FKBP9: variants seen among roughly 807,000 people sequenced by gnomAD.
FKBP9 encodes peptidyl-prolyl cis-trans isomerase FKBP9.
A neutral mutation model predicts 55.6 loss-of-function variants in FKBP9; 27 were observed. That is an observed-to-expected ratio of 0.49 (90% CI 0.36 to 0.67). The LOEUF (loss-of-function observed/expected upper bound fraction) is 0.67. Ranked by LOEUF, FKBP9 falls within the 30% of genes least tolerant of loss-of-function variation. The probability of loss-of-function intolerance (pLI) is 0.00; values close to 1 mark genes in which losing one functional copy is unlikely to be tolerated. For missense variants in FKBP9, 539 were observed against 742.8 expected (o/e 0.73, Z 3.19); for synonymous variants, 267 against 296.5 (o/e 0.90, Z 1.02).
chr7:32,976,319 G>A, intron 3 of FKBP9, 35 bp from the exon 4 acceptor site: 2 of 1,613,700 alleles, frequency 1.2e-6, no homozygotes, highest in South Asian at 1.1e-5. Flanking sequence ...TATCCTCATG[G>A]TGTGGAACTT....
chr7:32,965,661 G>A (rs1784117603), intron 1 of FKBP9, among the ~76,000 whole-genome samples: 1 of 150,164 alleles, frequency 6.7e-6, no homozygotes, highest in Admixed American at 6.7e-5. Context: ...AGCTGGGCGT[G>A]GTGGCGTGCA....
At chr7:32,978,919 T>C (rs960753482) in intron 4 of FKBP9, among the ~76,000 whole-genome samples, 1 of 152,218 alleles carries the variant, frequency 6.6e-6, no homozygotes, top group Non-Finnish European at 1.5e-5. Context: ...GAATTATATC[T>C]CTGCAAAGTT....
intron 5 of FKBP9, among the ~76,000 whole-genome samples, chr7:32,984,558 A>G (rs1451319448): frequency 6.6e-6 from 1 of 152,220 alleles, no homozygotes; most frequent in African/African-American, 2.4e-5. Context: ...GCACCAGGCC[A>G]GAGGTAATAT....
chr7:32,987,259 G>A (rs1340386535), intron 5 of FKBP9, among the ~76,000 whole-genome samples: 2 of 152,270 alleles, frequency 1.3e-5, no homozygotes, highest in East Asian at 3.9e-4. Flanking sequence ...ACTTTCGGAG[G>A]CCAGGGCAGG....
chr7:32,957,875 C>A, intron 1 of FKBP9, 81 bp downstream of exon 1: 2 of 1,044,854 alleles, frequency 1.9e-6, no homozygotes, highest in South Asian at 2.0e-5. Context: ...CCTGCCGGAC[C>A]TCCCCTAGCT....
intron 8 of FKBP9, 102 bp downstream of exon 8, chr7:33,000,362 T>A: frequency 7.0e-7 from 1 of 1,420,726 alleles, no homozygotes; most frequent in East Asian, 2.4e-5. Context: ...GCTTCTTACA[T>A]GTAATACCCA....
chr7:32,981,742 TA>T (rs1784479207), intron 5 of FKBP9, among the ~76,000 whole-genome samples: 1 of 151,878 alleles, frequency 6.6e-6, no homozygotes, highest in African/African-American at 2.4e-5. Context: ...AGATATGTTG[TA>T]AATTAGCCAG....
intron 4 of FKBP9, among the ~76,000 whole-genome samples, chr7:32,980,129 G>A (rs1177493427): frequency 6.6e-6 from 1 of 152,062 alleles, no homozygotes; most frequent in Non-Finnish European, 1.5e-5. Flanking sequence ...ATATGGTCAT[G>A]GTAGTCTCTT....
At position 32,979,150 on chromosome 7, in the gene FKBP9, T is replaced by G. The variant is rs190019246; in HGVS notation, c.704-1214T>G. Reference sequence around the variant, plus strand: ...CAGGCGTGGTGGCAGGTGCCTGTAATCCCAGCTACTCGGGAAGCTGAGGCA... The same window carrying G: ...CAGGCGTGGTGGCAGGTGCCTGTAAGCCCAGCTACTCGGGAAGCTGAGGCA... On this transcript the variant is annotated intron_variant, in intron 4 of 9. Transcript: ENST00000242209. 5.3e-3 allele frequency among the ~76,000 whole-genome samples: 809 copies of G among 152,020 alleles called. 9 individuals carry two copies. Among genetic ancestry groups the G allele is most frequent in the African/African-American group, 0.019 (769 of 41,446 alleles).
chr7:32,984,378 T>C (rs1784537114), intron 5 of FKBP9, among the ~76,000 whole-genome samples: 1 of 151,996 alleles, frequency 6.6e-6, no homozygotes, highest in Non-Finnish European at 1.5e-5. Flanking sequence ...GGACTACAGG[T>C]GTGCACCATC....
intron 3 of FKBP9, among the ~76,000 whole-genome samples, chr7:32,976,107 C>T (rs1337334659): frequency 2.0e-5 from 3 of 152,274 alleles, no homozygotes; most frequent in African/African-American, 7.2e-5. Context: ...CTCATTAGAG[C>T]GTGTTTGATT....
intron 1 of FKBP9, 119 bp downstream of exon 1, chr7:32,957,913 T>G (rs570820423): frequency 1.3e-6 from 1 of 765,578 alleles, no homozygotes; most frequent in Admixed American, 4.3e-5. Flanking sequence ...GCTCCTCCCT[T>G]CTTCCGCTGC....
At chr7:32,969,652 G>A (rs1784216189) in intron 1 of FKBP9, among the ~76,000 whole-genome samples, 1 of 152,188 alleles carries the variant, frequency 6.6e-6, no homozygotes. Flanking sequence ...ATCAGGAAGT[G>A]TGAAGCCTCC....
intron 4 of FKBP9, among the ~76,000 whole-genome samples, chr7:32,979,744 GC>G (rs1784437027): frequency 6.6e-6 from 1 of 152,228 alleles, no homozygotes; most frequent in South Asian, 2.1e-4. Flanking sequence ...ATTCCCACTG[GC>G]AGGAACATCC....
In FKBP9 at chr7:33,000,063, T is replaced by G. The variant is rs377018562; in HGVS notation, c.1227-52T>G. The G allele has an allele frequency of 1.5e-5, 24 of 1,610,214 alleles. No individual in the cohort carries two copies. The African/African-American group carries it at 2.4e-4, about 16-fold the overall frequency. On this transcript the variant is annotated intron_variant, in intron 7 of 9. Transcript: ENST00000242209. ...ATGTGTTCTTCTCATGGGAACACTC[T>G]CAGTGCCAATGGGTTGGTGACCTAA...
intron 1 of FKBP9, among the ~76,000 whole-genome samples, chr7:32,961,391 G>A (rs1297413438): frequency 1.3e-5 from 2 of 152,158 alleles, no homozygotes; most frequent in Non-Finnish European, 2.9e-5. Flanking sequence ...TTGTTATACA[G>A]TTTCCGATTC....
chr7:33,005,080 C>G, intron 9 of FKBP9, 95 bp from the exon 10 acceptor site: 1 of 1,520,914 alleles, frequency 6.6e-7, no homozygotes, highest in Non-Finnish European at 8.8e-7. Context: ...ACTCAAGTTC[C>G]AGCCCTGTCA....
chr7:32,958,298 C>T (rs1783945990), intron 1 of FKBP9, among the ~76,000 whole-genome samples: 1 of 152,220 alleles, frequency 6.6e-6, no homozygotes, highest in Non-Finnish European at 1.5e-5. Flanking sequence ...AGGTGTAGTT[C>T]TAAGTACTTT....
intron 1 of FKBP9, among the ~76,000 whole-genome samples, chr7:32,965,659 G>A (rs1403616033): frequency 6.7e-5 from 10 of 150,122 alleles, no homozygotes; most frequent in African/African-American, 2.2e-4. Flanking sequence ...TTAGCTGGGC[G>A]TGGTGGCGTG....
Sources: gnomAD v4.1 joint callset for allele counts (sites outside exome capture counted in the v4.1 genomes callset) on GRCh38, gnomAD v4.1.1 for gene constraint, MANE v1.5 for transcripts, NCBI Gene and HGNC (gene_info 2026-07-23, HGNC 2026-07-21) for gene names.